Variants in ELFN2 observed in about 807,000 individuals in gnomAD.
ELFN2 encodes protein phosphatase 1 regulatory subunit 29.
Under a neutral mutation model 45.5 loss-of-function variants are expected in ELFN2, and 17 were observed. The ratio of observed to expected loss-of-function variants is 0.37; its 90% CI spans 0.26 to 0.56. The LOEUF is 0.56. ELFN2 is among the 20% of genes least tolerant of loss of function. The probability of loss-of-function intolerance (pLI) is 0.77; values close to 1 mark genes in which losing one functional copy is unlikely to be tolerated. For synonymous variants in ELFN2, 550 were observed against 551.5 expected, an observed-to-expected ratio of 1.00 and a Z score of 0.04; for missense variants, 922 against 1,183.2, an observed-to-expected ratio of 0.78 and a Z score of 3.24.
chr22:37,424,835 G>A (rs1244249419), intron 1 of ELFN2, among the ~76,000 whole-genome samples: 3 of 152,162 alleles, frequency 2.0e-5, no homozygotes, highest in Non-Finnish European at 4.4e-5. Flanking sequence ...CCTTTGCAAA[G>A]TTAGACTTAA....
chr22:37,350,003 G>A (rs1004540627), intron 1 of ELFN2, among the ~76,000 whole-genome samples: 6 of 150,792 alleles, frequency 4.0e-5, no homozygotes, highest in Non-Finnish European at 8.9e-5. Flanking sequence ...AGTGGTGCGC[G>A]CCCACAGCAG....
intron 1 of ELFN2, among the ~76,000 whole-genome samples, chr22:37,350,432 C>T (rs980314854): frequency 1.3e-5 from 2 of 150,532 alleles, no homozygotes; most frequent in African/African-American, 4.8e-5. Context: ...CCTCAGTGAG[C>T]TCTGGCCACC....
chr22:37,415,949 C>A (rs534056833), intron 2 of ELFN2, among the ~76,000 whole-genome samples: 1 of 152,050 alleles, frequency 6.6e-6, no homozygotes, highest in South Asian at 2.1e-4. Context: ...GGTGACAGAG[C>A]GAGACTCCGT....
In ELFN2 at chr22:37,414,004, G is replaced by A. The variant is rs2413468; in HGVS notation, c.-463+3765C>T. 6.2e-3 allele frequency among the ~76,000 whole-genome samples: 939 copies of A among 152,276 alleles called. 9 individuals carry two copies. Among genetic ancestry groups the A allele is most frequent in the African/African-American group, 0.022 (895 of 41,536 alleles). On this transcript the variant is annotated intron_variant, in intron 2 of 2. Coordinates refer to ENST00000402918, the MANE Select transcript of ELFN2 (RefSeq NM_052906.5). Reference sequence around the variant, plus strand: ...GCTGTGTACCCACGGCACCTTACCCGGCCTCCCTGGCCTCACTGTCCTCTT... The same window carrying A: ...GCTGTGTACCCACGGCACCTTACCCAGCCTCCCTGGCCTCACTGTCCTCTT...
At chr22:37,389,747 A>G (rs1932044950) in intron 2 of ELFN2, among the ~76,000 whole-genome samples, 1 of 152,058 alleles carries the variant, frequency 6.6e-6, no homozygotes, top group Non-Finnish European at 1.5e-5. Context: ...TGTCTTCTCC[A>G]TGCCCCCTCC....
chr22:37,367,824 A>T (rs1931240052), downstream of ELFN2: 1 of 152,226 alleles, frequency 6.6e-6, no homozygotes, highest in Admixed American at 6.6e-5. Context: ...CCTTGACCGC[A>T]GGCAGTGACC....
chr22:37,382,457 A>G (rs1477587987), intron 2 of ELFN2, among the ~76,000 whole-genome samples: 2 of 147,958 alleles, frequency 1.4e-5, no homozygotes, highest in Non-Finnish European at 3.0e-5. Flanking sequence ...GTTGGCCAGG[A>G]TGGTCTCCAT....
chr22:37,377,955 C>G (rs1175809285), intron 2 of ELFN2, among the ~76,000 whole-genome samples: 1 of 152,246 alleles, frequency 6.6e-6, no homozygotes, highest in East Asian at 1.9e-4. Flanking sequence ...CAAGGTTGTA[C>G]TGGAAGAGGC....
intron 1 of ELFN2, among the ~76,000 whole-genome samples, chr22:37,356,915 G>A (rs968064560): frequency 1.3e-5 from 2 of 152,188 alleles, no homozygotes; most frequent in African/African-American, 4.8e-5. Context: ...TCATTGTCTT[G>A]TTTTGTATTT....
rs116654351 is a variant in ELFN2 at position 37,408,877 on chromosome 22, G to C, written c.-463+8892C>G. On this transcript the variant is annotated intron_variant, in intron 2 of 2. Transcript: ENST00000402918. ...TTTGCTAAGTTCTATAAAGTTCTTAGAGCAGTGCCTGGCACATGGTGTGTT... is the reference window on the plus strand; with the variant it reads ...TTTGCTAAGTTCTATAAAGTTCTTACAGCAGTGCCTGGCACATGGTGTGTT... Among the ~76,000 whole-genome samples the C allele has an allele frequency of 2.2e-3, 338 of 152,306 alleles. 4 individuals carry two copies. Among genetic ancestry groups the C allele is most frequent in the African/African-American group, 7.6e-3 (316 of 41,552 alleles).
At chr22:37,383,317 TCA>T (rs1252705142) in intron 2 of ELFN2, among the ~76,000 whole-genome samples, 2 of 152,186 alleles carry the variant, frequency 1.3e-5, no homozygotes, top group Non-Finnish European at 2.9e-5. Flanking sequence ...CTAGGCCCCT[TCA>T]CACACACGGC....
At chr22:37,356,252 C>T (rs1279320013) in intron 1 of ELFN2, among the ~76,000 whole-genome samples, 1 of 152,142 alleles carries the variant, frequency 6.6e-6, no homozygotes, top group Non-Finnish European at 1.5e-5. Context: ...CTGGGCTCTA[C>T]CAGCTGAGGG....
Position 37,427,325 on chromosome 22 carries a change from G to C in ELFN2, c.-641C>G, listed in dbSNP as rs1408299357. 6.5e-6 allele frequency: 1 copy of C among 152,762 alleles called. No individual in the cohort carries two copies. Among genetic ancestry groups the C allele is most frequent in the African/African-American group, 2.4e-5 (1 of 41,462 alleles). The allele number at this position is 152,762 out of a possible 1,614,324, so 9.5% of individuals were successfully genotyped here. A position where few individuals can be genotyped will look rare whatever the true frequency, so the allele number is the denominator to read the frequency against. ...CAGCCCCAGCCGGGATCCGGGCCAAGCACCGCCTCCGGGAAGCGGCGGCCG... is the reference window on the plus strand; with the variant it reads ...CAGCCCCAGCCGGGATCCGGGCCAACCACCGCCTCCGGGAAGCGGCGGCCG... On this transcript the variant is annotated 5_prime_UTR_variant, in exon 1 of 3. Transcript: ENST00000402918.
chr22:37,382,460 G>A (rs954933544), intron 2 of ELFN2, among the ~76,000 whole-genome samples: 10 of 151,434 alleles, frequency 6.6e-5, no homozygotes, highest in Non-Finnish European at 1.2e-4. Flanking sequence ...GGCCAGGATG[G>A]TCTCCATCTC....
intron 1 of ELFN2, among the ~76,000 whole-genome samples, chr22:37,357,867 C>T (rs780970582): frequency 1.4e-4 from 21 of 152,188 alleles, no homozygotes; most frequent in Non-Finnish European, 2.8e-4. Context: ...GTACTGTCAT[C>T]GACTTCCTCT....
chr22:37,363,252 G>A (rs979296873), downstream of ELFN2, among the ~76,000 whole-genome samples: 7 of 152,118 alleles, frequency 4.6e-5, no homozygotes, highest in East Asian at 5.8e-4. Context: ...AATAGAAACC[G>A]GACTGAAGTC....
chr22:37,343,176 C>T (rs1392082989), intron 1 of ELFN2, among the ~76,000 whole-genome samples: 1 of 152,174 alleles, frequency 6.6e-6, no homozygotes, highest in South Asian at 2.1e-4. Flanking sequence ...AAGGCAGAAA[C>T]TCAACTGCAG....
In ELFN2 at chr22:37,371,526, G is replaced by A. The variant is rs2145631721; in HGVS notation, c.*1546C>T. 6.6e-6 allele frequency: 1 copy of A among 152,406 alleles called. No homozygotes were observed. The highest frequency in any genetic ancestry group is 2.1e-4 in the South Asian group (1 of 4,828). 9.4% of individuals were successfully genotyped at this position (152,406 alleles called of 1,614,324 possible). ...ATGGACTCCGGCCCATCAGCATCCTGACTGGTCAAGACCCCAGTCTCAGGA... is the reference window on the plus strand; with the variant it reads ...ATGGACTCCGGCCCATCAGCATCCTAACTGGTCAAGACCCCAGTCTCAGGA... On this transcript the variant is annotated 3_prime_UTR_variant, in exon 3 of 3. Transcript: ENST00000402918. This position sits in a 1 kb window ranked among gnomAD's most constrained non-coding sequence, Gnocchi z 6.4.
At chr22:37,383,316 T>A (rs1437810897) in intron 2 of ELFN2, among the ~76,000 whole-genome samples, 1 of 152,192 alleles carries the variant, frequency 6.6e-6, no homozygotes, top group Non-Finnish European at 1.5e-5. Context: ...TCTAGGCCCC[T>A]TCACACACAC....
Sources: allele counts gnomAD v4.1 joint callset (sites outside exome capture counted in the v4.1 genomes callset), GRCh38; gene constraint gnomAD v4.1.1; non-coding constraint Gnocchi (gnomAD v3.1); transcripts MANE v1.5; gene names NCBI Gene and HGNC (gene_info 2026-07-23, HGNC 2026-07-21).